Variants in CYTH1 observed in about 807,000 individuals in gnomAD.
CYTH1 encodes cytohesin 1, also known as cytohesin-1.
Under a neutral mutation model 61.8 loss-of-function variants are expected in CYTH1, and 18 were observed. The observed-to-expected ratio is 0.29, with a 90% confidence interval of 0.20 to 0.43. The LOEUF (loss-of-function observed/expected upper bound fraction) is 0.43, where lower values mean the gene tolerates loss of function less well. Ranked by LOEUF, CYTH1 falls within the 20% of genes least tolerant of loss-of-function variation. CYTH1 has a pLI of 1.00. For missense variants in CYTH1, 336 were observed against 510.5 expected (o/e 0.66, Z 3.29); for synonymous variants, 174 against 184.3 (o/e 0.94, Z 0.45).
intron 13 of CYTH1, among the ~76,000 whole-genome samples, 178 bp downstream of exon 13, chr17:78,680,012 T>C (rs1274561813): frequency 6.6e-6 from 1 of 152,186 alleles, no homozygotes; most frequent in African/African-American, 2.4e-5. Flanking sequence ...TATGCTATAA[T>C]AGCCAAGAAT....
intron 1 of CYTH1, among the ~76,000 whole-genome samples, chr17:78,770,339 A>G (rs2093465904): frequency 9.1e-6 from 1 of 109,394 alleles, no homozygotes; most frequent in Non-Finnish European, 2.0e-5. Context: ...AAAAAAAAAA[A>G]GAAAAGAAAA....
At chr17:78,765,089 G>A (rs1056608264) in intron 1 of CYTH1, among the ~76,000 whole-genome samples, 28 of 152,168 alleles carry the variant, frequency 1.8e-4, no homozygotes, top group Non-Finnish European at 1.5e-4. Context: ...GCTGGAGAAA[G>A]GCCCGAGCTG....
chr17:78,749,040 G>T (rs2093369613), intron 1 of CYTH1, among the ~76,000 whole-genome samples: 1 of 152,216 alleles, frequency 6.6e-6, no homozygotes, highest in Non-Finnish European at 1.5e-5. Flanking sequence ...GTGAGGCAGA[G>T]CAAAGGTGGC....
intron 11 of CYTH1, among the ~76,000 whole-genome samples, chr17:78,689,154 G>A (rs1483522010): frequency 6.6e-6 from 1 of 152,178 alleles, no homozygotes; most frequent in African/African-American, 2.4e-5. Flanking sequence ...CTTAAAGCCT[G>A]CCACCAGATA....
chr17:78,762,392 A>G (rs1232488443), intron 1 of CYTH1, among the ~76,000 whole-genome samples: 1 of 152,202 alleles, frequency 6.6e-6, no homozygotes, highest in East Asian at 1.9e-4. Flanking sequence ...AAAGTACTGC[A>G]ATACTTAATA....
chr17:78,765,631 T>A (rs1302217309), intron 1 of CYTH1, among the ~76,000 whole-genome samples: 4 of 152,058 alleles, frequency 2.6e-5, no homozygotes, highest in Non-Finnish European at 4.4e-5. Flanking sequence ...TATTTTATTG[T>A]CAGTTTGCTG....
chr17:78,759,235 G>T (rs1303542684), intron 1 of CYTH1, among the ~76,000 whole-genome samples: 1 of 152,210 alleles, frequency 6.6e-6, no homozygotes, highest in African/African-American at 2.4e-5. Context: ...TATGGCAACT[G>T]CCCCGAGGAA....
chr17:78,754,191 C>T (rs1339446140), intron 1 of CYTH1, among the ~76,000 whole-genome samples: 1 of 152,182 alleles, frequency 6.6e-6, no homozygotes, highest in Non-Finnish European at 1.5e-5. Flanking sequence ...GTGATGCTGA[C>T]AGAACTTTCC....
intron 1 of CYTH1, chr17:78,736,669 C>T (rs761264074): frequency 1.8e-5 from 7 of 384,250 alleles, no homozygotes; most frequent in Admixed American, 6.1e-5. Flanking sequence ...CAGTCCCGGC[C>T]GGGGGCTGCG....
At chr17:78,746,597 G>A (rs1395532043) in intron 1 of CYTH1, among the ~76,000 whole-genome samples, 1 of 152,060 alleles carries the variant, frequency 6.6e-6, no homozygotes, top group Non-Finnish European at 1.5e-5. Context: ...TTAGAATGCC[G>A]ACTCTCCCAT....
At chr17:78,737,461 T>G (rs774197766) in intron 1 of CYTH1, among the ~76,000 whole-genome samples, 1 of 152,200 alleles carries the variant, frequency 6.6e-6, no homozygotes, top group Non-Finnish European at 1.5e-5. Flanking sequence ...CGACTACATT[T>G]TCTTAAAATG....
chr17:78,758,048 T>C (rs1006547694), intron 1 of CYTH1, among the ~76,000 whole-genome samples: 8 of 152,136 alleles, frequency 5.3e-5, no homozygotes, highest in Non-Finnish European at 7.4e-5. Context: ...GCAGTACATA[T>C]CAAGAGACTA....
At chr17:78,716,238 GAATT>G (rs780529343) in intron 1 of CYTH1, among the ~76,000 whole-genome samples, 2 of 152,312 alleles carry the variant, frequency 1.3e-5, no homozygotes, top group East Asian at 3.9e-4. Flanking sequence ...AGAAAAAAGT[GAATT>G]AATAGTGGCT....
intron 1 of CYTH1, among the ~76,000 whole-genome samples, chr17:78,775,685 T>C (rs2093488240): frequency 6.6e-6 from 1 of 152,180 alleles, no homozygotes; most frequent in African/African-American, 2.4e-5. Flanking sequence ...TAAAGGACAT[T>C]TGCAGACGTC....
chr17:78,706,319 C>G (rs181199913), intron 3 of CYTH1, among the ~76,000 whole-genome samples: 1 of 149,736 alleles, frequency 6.7e-6, no homozygotes, highest in African/African-American at 2.5e-5. Flanking sequence ...GCAACCACCT[C>G]GGAGGCAGCA....
intron 1 of CYTH1, among the ~76,000 whole-genome samples, chr17:78,780,519 AAC>A (rs964084827): frequency 5.3e-5 from 8 of 152,088 alleles, no homozygotes; most frequent in Non-Finnish European, 1.0e-4. Flanking sequence ...CTGTCTCAAA[AAC>A]ACAACAAAAC....
chr17:78,767,664 G>T (rs1458813627), intron 1 of CYTH1, among the ~76,000 whole-genome samples: 1 of 152,098 alleles, frequency 6.6e-6, no homozygotes, highest in African/African-American at 2.4e-5. Flanking sequence ...GCAAGAAAAA[G>T]AATCCAGTGT....
At chr17:78,711,912 C>A (rs1027570285) in intron 1 of CYTH1, among the ~76,000 whole-genome samples, 2 of 151,580 alleles carry the variant, frequency 1.3e-5, no homozygotes, top group African/African-American at 4.9e-5. Context: ...CCTGTCTCTA[C>A]TAAAAAAAAT....
chr17:78,710,495 C>T (rs2093117913), intron 1 of CYTH1, among the ~76,000 whole-genome samples: 1 of 152,110 alleles, frequency 6.6e-6, no homozygotes, highest in Non-Finnish European at 1.5e-5. Context: ...GGACAGACAC[C>T]CTCTAAAATG....
Sources: allele counts gnomAD v4.1 joint callset (sites outside exome capture counted in the v4.1 genomes callset), GRCh38; gene constraint gnomAD v4.1.1; transcripts MANE v1.5; gene names NCBI Gene and HGNC (gene_info 2026-07-23, HGNC 2026-07-21).